ADAMTS9: variants seen among roughly 807,000 people sequenced by gnomAD.
The protein encoded by ADAMTS9 is A disintegrin and metalloproteinase with thrombospondin motifs 9.
A neutral mutation model predicts 257.1 loss-of-function variants in ADAMTS9; 107 were observed. The observed-to-expected ratio is 0.42, with a 90% CI of 0.36 to 0.49. The LOEUF is 0.49. Ranked by LOEUF, ADAMTS9 falls within the 20% of genes least tolerant of loss-of-function variation. The probability of loss-of-function intolerance (pLI) is 0.03; values close to 1 mark genes in which losing one functional copy is unlikely to be tolerated. For synonymous variants in ADAMTS9, 982 were observed against 880.9 expected (o/e 1.11, Z -2.03); for missense variants, 2,353 against 2,469.1 (o/e 0.95, Z 1.00).
intron 36 of ADAMTS9, among the ~76,000 whole-genome samples, chr3:64,540,779 T>C (rs1457272806): frequency 6.6e-6 from 1 of 152,178 alleles, no homozygotes; most frequent in Non-Finnish European, 1.5e-5. Flanking sequence ...ATGGTGCTTC[T>C]TTCATGCACT....
intron 37 of ADAMTS9, among the ~76,000 whole-genome samples, chr3:64,536,359 T>C (rs936786705): frequency 6.6e-6 from 1 of 152,206 alleles, no homozygotes; most frequent in African/African-American, 2.4e-5. Context: ...ATCTTCAAGG[T>C]CTAAAGGGCA....
At chr3:64,556,780 C>T (rs535644110) in intron 30 of ADAMTS9, among the ~76,000 whole-genome samples, 224 of 147,606 alleles carry the variant, frequency 1.5e-3, no homozygotes, top group Non-Finnish European at 2.6e-3. Context: ...CTTCCTCCTT[C>T]CTTCCTTTTT....
At chr3:64,538,736 C>A (rs1385574874) in intron 37 of ADAMTS9, among the ~76,000 whole-genome samples, 4 of 152,108 alleles carry the variant, frequency 2.6e-5, no homozygotes, top group African/African-American at 7.2e-5. Context: ...TCTTCCTAGC[C>A]CTCCATTTAG....
intron 3 of ADAMTS9, among the ~76,000 whole-genome samples, chr3:64,660,749 T>G (rs959062068): frequency 6.6e-6 from 1 of 152,112 alleles, no homozygotes; most frequent in African/African-American, 2.4e-5. Context: ...TAATTCGTAT[T>G]AAGCCAAAAA....
At chr3:64,568,306 A>T in intron 29 of ADAMTS9, 62 bp downstream of exon 29, 1 of 1,548,822 alleles carries the variant, frequency 6.5e-7, no homozygotes, top group Non-Finnish European at 8.7e-7. Context: ...AAGTGAACAC[A>T]CTGGGGTCAG....
intron 29 of ADAMTS9, among the ~76,000 whole-genome samples, chr3:64,566,100 A>G (rs368781253): frequency 5.3e-5 from 8 of 152,378 alleles, no homozygotes; most frequent in South Asian, 2.1e-4. Context: ...TGTAACTACC[A>G]GCAGAAAACA....
chr3:64,643,071 G>A (rs750415346), intron 11 of ADAMTS9, among the ~76,000 whole-genome samples: 2 of 152,156 alleles, frequency 1.3e-5, no homozygotes, highest in African/African-American at 4.8e-5. Context: ...CTGAGGGCAC[G>A]TCCCTTTCCC....
intron 26 of ADAMTS9, among the ~76,000 whole-genome samples, chr3:64,598,539 C>T (rs1055701805): frequency 2.0e-5 from 3 of 151,992 alleles, no homozygotes; most frequent in East Asian, 1.9e-4. Flanking sequence ...CAACTGGTCT[C>T]GAACTCTTGG....
At chr3:64,636,780 CTGTT>C (rs933565879) in intron 12 of ADAMTS9, among the ~76,000 whole-genome samples, 24 of 152,218 alleles carry the variant, frequency 1.6e-4, no homozygotes, top group African/African-American at 5.3e-4. Flanking sequence ...CCCACATTGT[CTGTT>C]TGTTTCTTCG....
At chr3:64,578,752 C>A (rs1312732104) in intron 28 of ADAMTS9, among the ~76,000 whole-genome samples, 1 of 152,176 alleles carries the variant, frequency 6.6e-6, no homozygotes, top group African/African-American at 2.4e-5. Context: ...TTTCACTTGT[C>A]CAGTCCATAA....
intron 28 of ADAMTS9, among the ~76,000 whole-genome samples, chr3:64,580,289 A>C (rs572954892): frequency 6.6e-6 from 1 of 152,244 alleles, no homozygotes; most frequent in South Asian, 2.1e-4. Context: ...CAATTTTTTT[A>C]ATAAGTTTTC....
chr3:64,629,778 A>G (rs1700321909), intron 16 of ADAMTS9, among the ~76,000 whole-genome samples: 1 of 152,224 alleles, frequency 6.6e-6, no homozygotes, highest in Non-Finnish European at 1.5e-5. Flanking sequence ...CCTGGCACAT[A>G]TTAAATAAGT....
At chr3:64,584,522 T>C (rs2084095897) in intron 28 of ADAMTS9, among the ~76,000 whole-genome samples, 1 of 152,182 alleles carries the variant, frequency 6.6e-6, no homozygotes, top group Admixed American at 6.6e-5. Context: ...AACAGCTTCC[T>C]AGAATGTGTC....
intron 11 of ADAMTS9, among the ~76,000 whole-genome samples, chr3:64,646,694 AT>A (rs1177645341): frequency 1.3e-5 from 2 of 152,188 alleles, no homozygotes; most frequent in African/African-American, 4.8e-5. Context: ...TGGACTTTAT[AT>A]TTTTAAACTT....
At chr3:64,639,312 TAAAA>T (rs761906399) in intron 12 of ADAMTS9, among the ~76,000 whole-genome samples, 10 of 89,224 alleles carry the variant, frequency 1.1e-4, no homozygotes, top group South Asian at 4.6e-4. Context: ...TTTTTTTTTT[TAAAA>T]AAAAAAAAAA....
At chr3:64,658,833 TC>T (rs763040549) in intron 3 of ADAMTS9, 42 bp from the exon 4 acceptor site, 1 of 1,547,968 alleles carries the variant, frequency 6.5e-7, no homozygotes, top group East Asian at 2.2e-5. Flanking sequence ...TCAAGCCACA[TC>T]TATTTTATAT....
chr3:64,601,907 G>C, intron 26 of ADAMTS9, 37 bp downstream of exon 26: 1 of 1,551,446 alleles, frequency 6.4e-7, no homozygotes, highest in South Asian at 1.3e-5. Context: ...CCAACCTCAA[G>C]TGAAAGAGAA....
At chr3:64,550,359 C>T (rs2083255810) in intron 31 of ADAMTS9, 1 of 152,168 alleles carries the variant, frequency 6.6e-6, no homozygotes, top group African/African-American at 2.4e-5. Flanking sequence ...AAATTTCAGC[C>T]CCCATTTTCA....
At chr3:64,612,792 C>T (rs1200386878) in intron 22 of ADAMTS9, among the ~76,000 whole-genome samples, 1 of 152,128 alleles carries the variant, frequency 6.6e-6, no homozygotes, top group Non-Finnish European at 1.5e-5. Flanking sequence ...TTAAGAATAG[C>T]TCAAGTTAAG....
Sources: allele counts gnomAD v4.1 joint callset (sites outside exome capture counted in the v4.1 genomes callset), GRCh38; gene constraint gnomAD v4.1.1; transcripts MANE v1.5; gene names NCBI Gene and HGNC (gene_info 2026-07-23, HGNC 2026-07-21).